Variants in CSMD3 observed in about 807,000 individuals in gnomAD.
CSMD3 encodes CUB and Sushi multiple domains 3, also known as CUB and sushi domain-containing protein 3.
Under a neutral mutation model 435.2 loss-of-function variants are expected in CSMD3, and 177 were observed. That is an observed-to-expected ratio of 0.41 (90% CI 0.36 to 0.46). The LOEUF is 0.46. Ranked by LOEUF, CSMD3 falls within the 20% of genes least tolerant of loss-of-function variation. CSMD3 has a pLI of 0.34. For missense variants in CSMD3, 4,265 were observed against 4,504.6 expected, an observed-to-expected ratio of 0.95 and a Z score of 1.52; for synonymous variants, 1,656 against 1,520.5, an observed-to-expected ratio of 1.09 and a Z score of -2.07.
At chr8:112,396,120 G>A (rs1273994714) in intron 35 of CSMD3, among the ~76,000 whole-genome samples, 2 of 151,940 alleles carry the variant, frequency 1.3e-5, no homozygotes, top group African/African-American at 4.8e-5. Context: ...CAAAATTAAT[G>A]AACATTTTCT....
Position 113,132,725 on chromosome 8 carries a change from ACAAGAATATGCAAG to A in CSMD3, c.710-33776_710-33763del, listed in dbSNP as rs1427237062. On this transcript the variant is annotated intron_variant, in intron 4 of 70. Coordinates refer to ENST00000297405, the MANE Select transcript of CSMD3 (RefSeq NM_198123.2). ...CCAAAGAATAAAAATACAAGAATTC[ACAAGAATATGCAAG>A]ACACATTTTGGAAACAGGAAATGCC... is the stretch of plus-strand genomic sequence containing the variant. Among the ~76,000 whole-genome samples, 91 of 152,286 alleles carry A rather than the reference ACAAGAATATGCAAG, an allele frequency of 6.0e-4. 2 individuals carry two copies. The South Asian group carries it at 0.017, about 28-fold the overall frequency.
At chr8:112,681,629 G>T (rs1346814151) in intron 16 of CSMD3, among the ~76,000 whole-genome samples, 1 of 152,054 alleles carries the variant, frequency 6.6e-6, no homozygotes. Flanking sequence ...ACTTTGGGAG[G>T]CCGAGGCAGA....
At chr8:113,156,416 T>C (rs1317719834) in intron 4 of CSMD3, among the ~76,000 whole-genome samples, 1 of 152,080 alleles carries the variant, frequency 6.6e-6, no homozygotes, top group Non-Finnish European at 1.5e-5. Context: ...CTGTCTTCTT[T>C]ACCAGACTAT....
chr8:112,237,229 C>T lies in CSMD3; in HGVS notation c.10588G>A (p.Ala3530Thr), dbSNP rs750533886. The T allele has an allele frequency of 1.9e-5, 30 of 1,613,416 alleles. No individual in the cohort carries two copies. In the East Asian group the frequency reaches 2.7e-4, roughly 14 times the overall value. The change falls in exon 67 of 71, where the codon GCA becomes ACA. Residue 3530 changes from alanine (A) to threonine (T), a missense_variant. Coordinates refer to ENST00000297405, the MANE Select transcript of CSMD3 (RefSeq NM_198123.2). The part of the protein sequence containing the change: ...SFNASTGRVN[A>T]TLSNSNMELL... ...TCCATGTTGCTATTGCTCAGTGTTGCGTTAACTCTCCCAGTGGAAGCATTG... is the reference window on the plus strand; with the variant it reads ...TCCATGTTGCTATTGCTCAGTGTTGTGTTAACTCTCCCAGTGGAAGCATTG...
chr8:113,401,531 T>C (rs968439454), intron 1 of CSMD3, among the ~76,000 whole-genome samples: 2 of 151,684 alleles, frequency 1.3e-5, no homozygotes, highest in Admixed American at 1.3e-4. Context: ...ATTGTCACTA[T>C]GTTAAGTGAT....
At chr8:113,197,138 C>T (rs1007823676) in intron 3 of CSMD3, among the ~76,000 whole-genome samples, 2 of 151,178 alleles carry the variant, frequency 1.3e-5, no homozygotes, top group East Asian at 1.9e-4. Flanking sequence ...AATCCAAAAA[C>T]CTGAAATTCA....
chr8:112,305,513 T>C (rs533814013), intron 51 of CSMD3, among the ~76,000 whole-genome samples: 4 of 152,258 alleles, frequency 2.6e-5, no homozygotes, highest in African/African-American at 9.6e-5. Context: ...CTTATCATTA[T>C]GTAAACTTAT....
At chr8:112,237,426 A>C in intron 66 of CSMD3, 78 bp from the exon 67 acceptor site, 1 of 1,052,164 alleles carries the variant, frequency 9.5e-7, no homozygotes, top group Non-Finnish European at 1.5e-6. Context: ...GTATTAGTTT[A>C]TTGAATAATG....
chr8:112,923,453 C>T (rs1387755025), intron 9 of CSMD3, among the ~76,000 whole-genome samples: 1 of 152,096 alleles, frequency 6.6e-6, no homozygotes, highest in Non-Finnish European at 1.5e-5. Context: ...CTTGCTCTGG[C>T]TTGAAGATAT....
chr8:112,994,150 A>G (rs2085557381), intron 6 of CSMD3, among the ~76,000 whole-genome samples: 1 of 151,820 alleles, frequency 6.6e-6, no homozygotes, highest in South Asian at 2.1e-4. Flanking sequence ...ATCAATGCTC[A>G]TAATTTTTAA....
chr8:112,483,440 G>A (rs950503953), intron 31 of CSMD3, among the ~76,000 whole-genome samples: 3 of 152,014 alleles, frequency 2.0e-5, no homozygotes, highest in Non-Finnish European at 1.5e-5. Context: ...CCGAGCTTGC[G>A]CCACTGCACT....
At chr8:113,047,547 A>T (rs1288446574) in intron 5 of CSMD3, among the ~76,000 whole-genome samples, 1 of 152,252 alleles carries the variant, frequency 6.6e-6, no homozygotes, top group African/African-American at 2.4e-5. Flanking sequence ...CAGAATAAAA[A>T]GCCAAAAATG....
chr8:112,901,655 C>G (rs28439669), intron 10 of CSMD3, among the ~76,000 whole-genome samples: 6,111 of 151,350 alleles, frequency 0.04, 414 homozygotes, highest in African/African-American at 0.14. Context: ...ATCTCATCTA[C>G]TTTAAAGACA....
intron 25 of CSMD3, 124 bp from the exon 26 acceptor site, chr8:112,552,844 T>A: frequency 2.5e-6 from 2 of 812,404 alleles, no homozygotes; most frequent in South Asian, 3.1e-5. Context: ...TATACATTTG[T>A]ATAAACTTTT....
chr8:113,390,422 C>T (rs566251489), intron 1 of CSMD3, among the ~76,000 whole-genome samples: 161 of 151,844 alleles, frequency 1.1e-3, no homozygotes, highest in Non-Finnish European at 1.9e-3. Context: ...GTATACATTT[C>T]CTCTGTGGAA....
At chr8:113,326,578 G>A (rs923989739) in intron 1 of CSMD3, among the ~76,000 whole-genome samples, 6 of 151,862 alleles carry the variant, frequency 4.0e-5, no homozygotes, top group South Asian at 2.1e-4. Flanking sequence ...ATATTAGTAC[G>A]CTCTACATTT....
At chr8:113,214,967 G>A (rs1308059700) in intron 3 of CSMD3, among the ~76,000 whole-genome samples, 2 of 151,632 alleles carry the variant, frequency 1.3e-5, no homozygotes, top group Non-Finnish European at 2.9e-5. Flanking sequence ...AAACTAAAAC[G>A]AAATTCTATG....
chr8:112,585,409 CTT>C (rs56220349), intron 23 of CSMD3, among the ~76,000 whole-genome samples: 1 of 146,124 alleles, frequency 6.8e-6, no homozygotes. Context: ...TACATTGAGT[CTT>C]TTTTTTTTTC....
At chr8:112,734,001 T>C (rs1437838582) in intron 13 of CSMD3, among the ~76,000 whole-genome samples, 1 of 151,960 alleles carries the variant, frequency 6.6e-6, no homozygotes, top group Non-Finnish European at 1.5e-5. Context: ...TCTTTTGATA[T>C]TGCTTAGGGA....
Sources: allele counts gnomAD v4.1 joint callset (sites outside exome capture counted in the v4.1 genomes callset), GRCh38; gene constraint gnomAD v4.1.1; transcripts MANE v1.5; gene names NCBI Gene and HGNC (gene_info 2026-07-23, HGNC 2026-07-21).